SLC40A1: variants seen among roughly 807,000 people sequenced by gnomAD.
SLC40A1 encodes solute carrier family 40 member 1.
In SLC40A1, 16 loss-of-function variants were observed where a neutral mutation model predicts 53.5. The ratio of observed to expected loss-of-function variants is 0.30; its 90% CI spans 0.20 to 0.45. The LOEUF is 0.45. SLC40A1 is among the 20% of genes least tolerant of loss of function. The pLI is 1.00. For synonymous variants in SLC40A1, 247 were observed against 253.2 expected, an observed-to-expected ratio of 0.98 and a Z score of 0.23; for missense variants, 545 against 695.4, an observed-to-expected ratio of 0.78 and a Z score of 2.43.
chr2:189,576,790 G>A (rs2031299530), intron 2 of SLC40A1, among the ~76,000 whole-genome samples: 1 of 152,008 alleles, frequency 6.6e-6, no homozygotes, highest in South Asian at 2.1e-4. Context: ...TTAACATACA[G>A]GTTAAGAAAC....
intron 4 of SLC40A1, 63 bp from the exon 5 acceptor site, chr2:189,571,904 T>A: frequency 9.7e-7 from 1 of 1,031,244 alleles, no homozygotes; most frequent in Non-Finnish European, 1.5e-6. Context: ...CATATGTCAC[T>A]AAACAAGGCA....
In SLC40A1 at chr2:189,572,948, C is replaced by T. The variant is rs773310265; in HGVS notation, c.285G>A (p.Ser95=). 14 of 1,613,252 alleles carry T rather than the reference C, an allele frequency of 8.7e-6. No individual in the cohort carries two copies. The highest frequency in any genetic ancestry group is 3.3e-5 in the Admixed American group (2 of 59,984). Residue 95 remains serine, a synonymous_variant, in exon 4 of 8, where the codon TCG becomes TCA. Transcript: ENST00000261024. ...KNARLKVAQT[S]LVVQNVSVIL... ...TGACTGAAACATTCTGTACCACCAG[C>T]GAGGTCTGGGCCACTGTGCAGAGGA...
chr2:189,562,257 A>C, intron 7 of SLC40A1, 66 bp from the exon 8 acceptor site: 1 of 1,290,926 alleles, frequency 7.7e-7, no homozygotes, highest in Non-Finnish European at 1.1e-6. Flanking sequence ...AATCACAGAT[A>C]AAAATCTGTT....
intron 2 of SLC40A1, among the ~76,000 whole-genome samples, chr2:189,577,056 G>C (rs2031309191): frequency 6.6e-6 from 1 of 152,188 alleles, no homozygotes; most frequent in South Asian, 2.1e-4. Context: ...TAAAGTCTAT[G>C]TAAATATTGA....
At chr2:189,563,227 A>G (rs1425528089) in intron 7 of SLC40A1, among the ~76,000 whole-genome samples, 3 of 150,388 alleles carry the variant, frequency 2.0e-5, no homozygotes, top group Non-Finnish European at 4.4e-5. Flanking sequence ...GTGAGCTGTG[A>G]CTGCACCACT....
intron 5 of SLC40A1, among the ~76,000 whole-genome samples, chr2:189,567,271 G>T (rs575019269): frequency 5.8e-4 from 89 of 152,274 alleles, no homozygotes; most frequent in Admixed American, 5.7e-3. Context: ...GAGATTATGG[G>T]AGGAGAGAAT....
chr2:189,573,694 C>T (rs547456167), intron 3 of SLC40A1, among the ~76,000 whole-genome samples: 1 of 152,150 alleles, frequency 6.6e-6, no homozygotes, highest in South Asian at 2.1e-4. Flanking sequence ...GTCTTCCTTA[C>T]TTTATAGGGT....
chr2:189,563,490 A>G (rs1026653508), intron 7 of SLC40A1, 94 bp downstream of exon 7: 2 of 1,167,022 alleles, frequency 1.7e-6, no homozygotes, highest in African/African-American at 1.6e-5. Context: ...ATTAACATTT[A>G]GGGAACATTT....
chr2:189,579,772 A>T, intron 2 of SLC40A1, 41 bp downstream of exon 2: 1 of 1,561,448 alleles, frequency 6.4e-7, no homozygotes, highest in Non-Finnish European at 8.8e-7. Flanking sequence ...GGAAATAAAA[A>T]ATTGCGCAAC....
chr2:189,561,630 G>A lies in SLC40A1; in HGVS notation c.*248C>T. ...CTCATGAGAAATAGGGGAATTCAGT[G>A]TTATCATTATAGTCTCCGTATTTAA... On this transcript the variant is annotated 3_prime_UTR_variant, in exon 8 of 8. Transcript: ENST00000261024. 2.1e-6 allele frequency: 1 copy of A among 477,874 alleles called. No individual in the cohort carries two copies. Among genetic ancestry groups the A allele is most frequent in the South Asian group, 2.3e-5 (1 of 43,860 alleles). 29.6% of individuals were successfully genotyped at this position (477,874 alleles called of 1,614,324 possible). A position where few individuals can be genotyped will look rare whatever the true frequency, so the allele number is the denominator to read the frequency against.
At chr2:189,580,160 G>T (rs1401682388) in intron 1 of SLC40A1, among the ~76,000 whole-genome samples, 1 of 35,030 alleles carries the variant, frequency 2.9e-5, no homozygotes, top group African/African-American at 5.0e-5. Context: ...GGGTTGGTTG[G>T]TTTGTTTGTT....
chr2:189,563,204 G>A (rs1166767342), intron 7 of SLC40A1, among the ~76,000 whole-genome samples: 1 of 151,062 alleles, frequency 6.6e-6, no homozygotes, highest in Non-Finnish European at 1.5e-5. Flanking sequence ...GATCCCAGGA[G>A]GTCGAGGCTG....
At chr2:189,571,942 A>T (rs1574243242) in intron 4 of SLC40A1, 101 bp from the exon 5 acceptor site, 1 of 806,844 alleles carries the variant, frequency 1.2e-6, no homozygotes, top group Admixed American at 1.9e-5. Flanking sequence ...GTGGAATGAT[A>T]AAAAAAGTAT....
chr2:189,561,975 C>A lies in SLC40A1; in HGVS notation c.1619G>T (p.Arg540Leu). ...FVAMGHIMYFRFAQNTLGNKL... is the reference protein window; with the variant it reads ...FVAMGHIMYFLFAQNTLGNKL... Reference sequence around the variant, plus strand: ...GTTTCCCAGAGTATTTTGGGCAAATCGGAAATACATAATGTGGCCCATTGC... The same window carrying A: ...GTTTCCCAGAGTATTTTGGGCAAATAGGAAATACATAATGTGGCCCATTGC... Residue 540 changes from arginine (R) to leucine (L), a missense_variant, in exon 8 of 8, where the codon CGA (arginine) becomes CTA (leucine). Coordinates refer to ENST00000261024, the MANE Select transcript of SLC40A1 (RefSeq NM_014585.6). The A allele has an allele frequency of 6.2e-7, 1 of 1,614,048 alleles. No homozygotes were observed. The highest frequency in any genetic ancestry group is 2.2e-5 in the East Asian group (1 of 44,878).
chr2:189,576,042 TCA>T (rs2031276062), intron 2 of SLC40A1, among the ~76,000 whole-genome samples: 1 of 152,202 alleles, frequency 6.6e-6, no homozygotes, highest in South Asian at 2.1e-4. Context: ...ACTTATTTCT[TCA>T]CACAAACTCC....
chr2:189,575,673 T>A (rs2031266646), intron 2 of SLC40A1, among the ~76,000 whole-genome samples: 1 of 152,246 alleles, frequency 6.6e-6, no homozygotes, highest in African/African-American at 2.4e-5. Context: ...GGAATTTGCC[T>A]ATCTTGATTG....
At chr2:189,566,102 A>G (rs1289633565) in intron 5 of SLC40A1, among the ~76,000 whole-genome samples, 1 of 152,150 alleles carries the variant, frequency 6.6e-6, no homozygotes, top group African/African-American at 2.4e-5. Context: ...ATTAAATACT[A>G]TGGTGAAAAG....
intron 1 of SLC40A1, 125 bp from the exon 2 acceptor site, chr2:189,580,005 C>G: frequency 1.1e-6 from 1 of 947,516 alleles, no homozygotes; most frequent in Non-Finnish European, 1.7e-6. Context: ...GGACAAACCA[C>G]GTACATTTTA....
At chr2:189,576,766 G>C (rs964598234) in intron 2 of SLC40A1, among the ~76,000 whole-genome samples, 12 of 152,164 alleles carry the variant, frequency 7.9e-5, no homozygotes, top group African/African-American at 2.7e-4. Context: ...CTCTGTCAGA[G>C]AGTTTTCTCT....
Sources: allele counts gnomAD v4.1 joint callset (sites outside exome capture counted in the v4.1 genomes callset), GRCh38; gene constraint gnomAD v4.1.1; transcripts MANE v1.5; gene names NCBI Gene and HGNC (gene_info 2026-07-23, HGNC 2026-07-21).